KIAA0232: variants seen among roughly 807,000 people sequenced by gnomAD.
KIAA0232 encodes uncharacterized protein KIAA0232.
Under a neutral mutation model 122.0 loss-of-function variants are expected in KIAA0232, and 27 were observed. The observed-to-expected ratio is 0.22, with a 90% CI of 0.16 to 0.31. KIAA0232 has a LOEUF of 0.31. KIAA0232 is among the 10% of genes least tolerant of loss of function. The pLI is 1.00. For synonymous variants in KIAA0232, 613 were observed against 587.6 expected, an observed-to-expected ratio of 1.04 and a Z score of -0.63; for missense variants, 1,551 against 1,634.2, an observed-to-expected ratio of 0.95 and a Z score of 0.88.
intron 3 of KIAA0232, among the ~76,000 whole-genome samples, chr4:6,841,189 A>G (rs978933462): frequency 6.6e-5 from 10 of 152,226 alleles, no homozygotes; most frequent in African/African-American, 1.7e-4. Flanking sequence ...TGTTCTGTCA[A>G]AAGTTAAAAC....
At chr4:6,827,049 CAT>C (rs1247808925) in intron 3 of KIAA0232, among the ~76,000 whole-genome samples, 6 of 152,134 alleles carry the variant, frequency 3.9e-5, no homozygotes, top group African/African-American at 1.4e-4. Context: ...TTAGGGAAAA[CAT>C]AACATGTCTG....
In KIAA0232 at chr4:6,863,802, A is replaced by G; in HGVS notation, c.3420A>G (p.Gln1140=). ...KDEANIPIPS[Q]VDIFEDPQAD... The stretch of plus-strand genomic sequence containing the variant: ...AAGCAAATATTCCCATTCCTTCTCA[A>G]GTTGATATATTTGAAGATCCGCAGG... Residue 1140 remains glutamine (Q), a synonymous_variant, in exon 7 of 10, where the codon CAA becomes CAG. Coordinates refer to ENST00000307659, the MANE Select transcript of KIAA0232 (RefSeq NM_014743.3). 2 of 1,614,154 alleles carry G rather than the reference A, an allele frequency of 1.2e-6. No homozygotes were observed. The highest frequency in any genetic ancestry group is 1.7e-6 in the Non-Finnish European group (2 of 1,180,030).
chr4:6,838,915 G>C (rs1719494205), intron 3 of KIAA0232, among the ~76,000 whole-genome samples: 1 of 152,076 alleles, frequency 6.6e-6, no homozygotes, highest in Non-Finnish European at 1.5e-5. Flanking sequence ...GATCACTTGA[G>C]GCCAGGAGTT....
chr4:6,794,194 C>G (rs1717031068), intron 1 of KIAA0232, among the ~76,000 whole-genome samples: 1 of 152,208 alleles, frequency 6.6e-6, no homozygotes, highest in Non-Finnish European at 1.5e-5. Flanking sequence ...GGTCACTGTA[C>G]AGTTCTGAGA....
intron 7 of KIAA0232, chr4:6,866,164 A>G (rs1721171373): frequency 2.2e-6 from 2 of 899,716 alleles, no homozygotes; most frequent in African/African-American, 3.6e-5. Context: ...ATATTCCTTT[A>G]TGTACTTTGT....
chr4:6,828,434 A>G lies in KIAA0232; in HGVS notation c.231+3750A>G, dbSNP rs575594045. On this transcript the variant is annotated intron_variant, in intron 3 of 9. Transcript: ENST00000307659. Reference sequence around the variant, plus strand: ...ATAATTTCAGACCTCACTAACAGCTAGGATAGTACAGGGAGCTCTCATGTT... The same window carrying G: ...ATAATTTCAGACCTCACTAACAGCTGGGATAGTACAGGGAGCTCTCATGTT... 5.3e-5 allele frequency among the ~76,000 whole-genome samples: 8 copies of G among 152,352 alleles called. No homozygotes were observed. In the South Asian group the frequency reaches 1.4e-3, roughly 28 times the overall value.
chr4:6,847,443 G>C (rs538410895), intron 4 of KIAA0232, among the ~76,000 whole-genome samples: 1 of 152,208 alleles, frequency 6.6e-6, no homozygotes, highest in South Asian at 2.1e-4. Flanking sequence ...AAAACAGAAG[G>C]GCAATTCAGT....
At chr4:6,830,599 G>T (rs961279161) in intron 3 of KIAA0232, among the ~76,000 whole-genome samples, 3 of 151,854 alleles carry the variant, frequency 2.0e-5, no homozygotes, top group African/African-American at 7.3e-5. Flanking sequence ...TAGACACAGG[G>T]TTTCACCATG....
At chr4:6,800,039 C>CTTTTTTTTTTTTTTT (rs1717310962) in intron 1 of KIAA0232, among the ~76,000 whole-genome samples, 2 of 67,304 alleles carry the variant, frequency 3.0e-5, no homozygotes, top group African/African-American at 5.8e-5. Context: ...TTCTTTCTTT[C>CTTTTTTTTTTTTTTT]TTTCTTTTTT....
chr4:6,783,544 C>A (rs1288806946), intron 1 of KIAA0232, among the ~76,000 whole-genome samples: 5 of 152,138 alleles, frequency 3.3e-5, no homozygotes, highest in African/African-American at 1.2e-4. Flanking sequence ...GCCGCTCGCT[C>A]GCGTTCCCTC....
At chr4:6,858,735 TAGA>T (rs1157104979) in intron 6 of KIAA0232, among the ~76,000 whole-genome samples, 1 of 152,182 alleles carries the variant, frequency 6.6e-6, no homozygotes, top group Non-Finnish European at 1.5e-5. Context: ...GAGTGAAACA[TAGA>T]AGGTTATTAT....
chr4:6,787,860 A>T (rs539560311), intron 1 of KIAA0232, among the ~76,000 whole-genome samples: 1 of 152,204 alleles, frequency 6.6e-6, no homozygotes, highest in African/African-American at 2.4e-5. Context: ...CCTGAGGGAT[A>T]CGACAGTTTT....
At position 6,824,409 on chromosome 4, in the gene KIAA0232, T is replaced by C; in HGVS notation, c.-45T>C. ...CTCCAGATACCAACAGAATATCAAC[T>C]GCAGAAAATGCTTCACATTTTAAGG... On this transcript the variant is annotated 5_prime_UTR_variant, in exon 3 of 10. Coordinates refer to ENST00000307659, the MANE Select transcript of KIAA0232 (RefSeq NM_014743.3). 6.8e-7 allele frequency: 1 copy of C among 1,467,926 alleles called. No individual in the cohort carries two copies. Among genetic ancestry groups the C allele is most frequent in the Non-Finnish European group, 9.6e-7 (1 of 1,046,728 alleles). 90.9% of individuals were successfully genotyped at this position (1,467,926 alleles called of 1,614,324 possible). A position where few individuals can be genotyped will look rare whatever the true frequency, so the allele number is the denominator to read the frequency against.
intron 2 of KIAA0232, among the ~76,000 whole-genome samples, chr4:6,806,578 CA>C (rs1717622955): frequency 6.6e-6 from 1 of 151,394 alleles, no homozygotes; most frequent in East Asian, 1.9e-4. Context: ...ATTAAAAATA[CA>C]AAAAATTAGC....
Position 6,824,594 on chromosome 4 carries a change from C to T in KIAA0232, c.141C>T (p.Leu47=), listed in dbSNP as rs569217827. ...GPVQTWLGQE[L]EKCGIDAMIY... ...TGCAGACCTGGCTGGGACAAGAGCTCGAGAAATGTGGCATTGATGCCATGA... is the reference window on the plus strand; with the variant it reads ...TGCAGACCTGGCTGGGACAAGAGCTTGAGAAATGTGGCATTGATGCCATGA... Residue 47 remains leucine, a synonymous_variant, in exon 3 of 10, where the codon CTC becomes CTT. Transcript: ENST00000307659. 15 of 1,614,026 alleles carry T rather than the reference C, an allele frequency of 9.3e-6. No individual in the cohort carries two copies. Among genetic ancestry groups the T allele is most frequent in the Admixed American group, 8.3e-5 (5 of 59,982 alleles).
intron 1 of KIAA0232, among the ~76,000 whole-genome samples, chr4:6,803,001 C>CT (rs1341386248): frequency 7.9e-5 from 10 of 126,974 alleles, no homozygotes; most frequent in Admixed American, 7.3e-4. Flanking sequence ...GCAACATACT[C>CT]TGTCTTGACC....
At chr4:6,876,211 C>A (rs1345620834) in intron 8 of KIAA0232, among the ~76,000 whole-genome samples, 1 of 152,224 alleles carries the variant, frequency 6.6e-6, no homozygotes, top group Non-Finnish European at 1.5e-5. Flanking sequence ...TTCTCCATTG[C>A]GTTCCCTTCT....
chr4:6,820,771 T>C (rs1718386922), intron 2 of KIAA0232, among the ~76,000 whole-genome samples: 1 of 152,376 alleles, frequency 6.6e-6, no homozygotes, highest in South Asian at 2.1e-4. Context: ...ATCCACATTT[T>C]GTTCTGTCTT....
chr4:6,859,536 A>T (rs1577404836), intron 6 of KIAA0232, among the ~76,000 whole-genome samples: 1 of 152,250 alleles, frequency 6.6e-6, no homozygotes, highest in Non-Finnish European at 1.5e-5. Flanking sequence ...AGTATTGATT[A>T]CATGTTGAAA....
Sources: allele counts gnomAD v4.1 joint callset (sites outside exome capture counted in the v4.1 genomes callset), GRCh38; gene constraint gnomAD v4.1.1; transcripts MANE v1.5; gene names NCBI Gene and HGNC (gene_info 2026-07-23, HGNC 2026-07-21).